CSMD1: variants seen among roughly 807,000 people sequenced by gnomAD.
The protein encoded by CSMD1 is CUB and Sushi multiple domains 1, also known as CUB and sushi domain-containing protein 1.
Under a neutral mutation model 417.5 loss-of-function variants are expected in CSMD1, and 213 were observed. That is an observed-to-expected ratio of 0.51 (90% CI 0.46 to 0.57). CSMD1 has a LOEUF of 0.57. Ranked by LOEUF, CSMD1 falls within the 20% of genes least tolerant of loss-of-function variation. The pLI is 0.00. For missense variants in CSMD1, 6,923 were observed against 4,529.7 expected, an observed-to-expected ratio of 1.53 and a Z score of -15.17; for synonymous variants, 2,862 against 1,736.8, an observed-to-expected ratio of 1.65 and a Z score of -16.11.
At chr8:4,457,543 T>C (rs1313995288) in intron 2 of CSMD1, among the ~76,000 whole-genome samples, 2 of 152,182 alleles carry the variant, frequency 1.3e-5, no homozygotes, top group Non-Finnish European at 2.9e-5. Flanking sequence ...ATTTCAATTT[T>C]ATACTAGATG....
intron 3 of CSMD1, among the ~76,000 whole-genome samples, chr8:4,376,849 T>C (rs1205048208): frequency 6.6e-6 from 1 of 152,246 alleles, no homozygotes; most frequent in East Asian, 1.9e-4. Flanking sequence ...TATTTGTAAG[T>C]GCTTCTCTGT....
At chr8:4,645,017 G>C (rs1481748782) in intron 1 of CSMD1, among the ~76,000 whole-genome samples, 2 of 152,162 alleles carry the variant, frequency 1.3e-5, no homozygotes, top group East Asian at 1.9e-4. Context: ...CTATATTCTG[G>C]TTAGTGATTA....
At chr8:3,296,727 G>A (rs1465803743) in intron 25 of CSMD1, among the ~76,000 whole-genome samples, 2 of 152,186 alleles carry the variant, frequency 1.3e-5, no homozygotes, top group Admixed American at 1.3e-4. Flanking sequence ...TGCGTGAGGT[G>A]AGGATGTGCT....
In CSMD1 at chr8:4,104,600, C is replaced by T. The variant is rs150721537; in HGVS notation, c.416-72501G>A. Among the ~76,000 whole-genome samples the T allele has an allele frequency of 5.0e-3, 760 of 151,326 alleles. 5 individuals carry two copies. Among genetic ancestry groups the T allele is most frequent in the African/African-American group, 0.017 (724 of 41,390 alleles). ...AAATGAATTAATAATTGCATGAGAA[C>T]GGTCTGAATTAGAGTGTCTGGAATG... is the stretch of plus-strand genomic sequence containing the variant. On this transcript the variant is annotated intron_variant, in intron 3 of 69. Coordinates refer to ENST00000635120, the MANE Select transcript of CSMD1 (RefSeq NM_033225.6).
chr8:4,933,155 CTTT>C (rs1175682475), intron 1 of CSMD1, among the ~76,000 whole-genome samples: 1 of 151,822 alleles, frequency 6.6e-6, no homozygotes, highest in East Asian at 1.9e-4. Flanking sequence ...TTCTTTTTTA[CTTT>C]TTTTTCTTTC....
At chr8:3,610,551 T>C (rs374114055) in intron 8 of CSMD1, among the ~76,000 whole-genome samples, 2 of 152,100 alleles carry the variant, frequency 1.3e-5, no homozygotes, top group African/African-American at 4.8e-5. Context: ...ATAATATAGG[T>C]CATGTACACA....
chr8:3,921,965 AT>A (rs1563213919), intron 5 of CSMD1, among the ~76,000 whole-genome samples: 1 of 152,106 alleles, frequency 6.6e-6, no homozygotes. Flanking sequence ...TGACATGTCT[AT>A]TTTGGAAAGC....
rs557750488 is a variant in CSMD1, at chr8:3,976,175, G to A, written c.818+21728C>T. Among the ~76,000 whole-genome samples the A allele has an allele frequency of 2.6e-5, 4 of 151,616 alleles. No homozygotes were observed. The East Asian group carries it at 5.8e-4, about 22-fold the overall frequency. On this transcript the variant is annotated intron_variant, in intron 5 of 69. Coordinates refer to ENST00000635120, the MANE Select transcript of CSMD1 (RefSeq NM_033225.6). ...ATGCATAACCTAAGGTTTCAAATAC[G>A]AGATAACTTATGCTTATTTTAAAAT... is the stretch of plus-strand genomic sequence containing the variant.
intron 3 of CSMD1, among the ~76,000 whole-genome samples, chr8:4,209,071 T>C (rs1800150930): frequency 6.6e-6 from 1 of 152,218 alleles, no homozygotes; most frequent in South Asian, 2.1e-4. Context: ...GAATTTTTCT[T>C]TTTTTGTCCT....
At chr8:4,036,211 G>C (rs1156383384) in intron 3 of CSMD1, among the ~76,000 whole-genome samples, 1 of 152,120 alleles carries the variant, frequency 6.6e-6, no homozygotes, top group African/African-American at 2.4e-5. Context: ...ATCACCTAAG[G>C]ATGCATTTCT....
chr8:4,641,528 C>T (rs1052608619), intron 1 of CSMD1, among the ~76,000 whole-genome samples: 1 of 152,034 alleles, frequency 6.6e-6, no homozygotes, highest in African/African-American at 2.4e-5. Flanking sequence ...TCTAAGTAGC[C>T]ACACATCATG....
intron 1 of CSMD1, among the ~76,000 whole-genome samples, chr8:4,680,331 A>G (rs563065773): frequency 1.3e-5 from 2 of 152,334 alleles, no homozygotes; most frequent in East Asian, 3.9e-4. Flanking sequence ...ATCTGAAAGC[A>G]CCGGGTCACT....
At chr8:3,092,551 G>A (rs1250045816) in intron 47 of CSMD1, among the ~76,000 whole-genome samples, 1 of 152,152 alleles carries the variant, frequency 6.6e-6, no homozygotes, top group African/African-American at 2.4e-5. Context: ...TTCTTTATAA[G>A]ATGAGGGCCT....
intron 2 of CSMD1, among the ~76,000 whole-genome samples, chr8:4,557,716 A>T (rs1209688216): frequency 1.3e-5 from 2 of 152,076 alleles, no homozygotes; most frequent in Non-Finnish European, 2.9e-5. Context: ...AGATTTAATA[A>T]ATTTCTATAC....
chr8:4,071,537 G>C (rs1358956012), intron 3 of CSMD1, among the ~76,000 whole-genome samples: 3 of 151,946 alleles, frequency 2.0e-5, no homozygotes, highest in Non-Finnish European at 2.9e-5. Flanking sequence ...TGTAATAACA[G>C]CTGCATTAAA....
intron 8 of CSMD1, among the ~76,000 whole-genome samples, chr8:3,594,966 C>G (rs1200573354): frequency 6.6e-6 from 1 of 152,198 alleles, no homozygotes; most frequent in East Asian, 1.9e-4. Flanking sequence ...GAAGAAGCCT[C>G]TGAACTGAAG....
chr8:3,822,864 G>A (rs923419339), intron 5 of CSMD1, among the ~76,000 whole-genome samples: 1 of 152,070 alleles, frequency 6.6e-6, no homozygotes, highest in Non-Finnish European at 1.5e-5. Context: ...GTGGTATTTA[G>A]AATTTAGTGT....
intron 5 of CSMD1, among the ~76,000 whole-genome samples, chr8:3,936,286 C>T (rs550678612): frequency 1.9e-4 from 29 of 151,992 alleles, no homozygotes; most frequent in African/African-American, 7.0e-4. Context: ...TAGCTAAGAT[C>T]AGTGACGAAG....
At chr8:4,621,126 G>A (rs1476805498) in intron 2 of CSMD1, among the ~76,000 whole-genome samples, 4 of 151,990 alleles carry the variant, frequency 2.6e-5, no homozygotes, top group South Asian at 2.1e-4. Flanking sequence ...AGGACCAGAC[G>A]TATTTCAGAT....
Sources: gnomAD v4.1 joint callset for allele counts (sites outside exome capture counted in the v4.1 genomes callset) on GRCh38, gnomAD v4.1.1 for gene constraint, MANE v1.5 for transcripts, NCBI Gene and HGNC (gene_info 2026-07-23, HGNC 2026-07-21) for gene names.